The following RHOQ variants were observed in gnomAD, a reference collection of about 807,000 sequenced individuals.
The protein encoded by RHOQ is ras homolog family member Q, also known as rho-related GTP-binding protein RhoQ.
RHOQ carries 7 observed loss-of-function variants against 25.8 expected under a neutral mutation model. The ratio of observed to expected loss-of-function variants is 0.27; its 90% CI spans 0.15 to 0.51. RHOQ has a LOEUF of 0.51. Among genes scored for constraint, RHOQ ranks in the 20% least tolerant of loss-of-function variants. The probability of loss-of-function intolerance (pLI) is 0.97; values close to 1 mark genes in which losing one functional copy is unlikely to be tolerated. For synonymous variants in RHOQ, 97 were observed against 98.6 expected, an observed-to-expected ratio of 0.98 and a Z score of 0.10; for missense variants, 165 against 260.6, an observed-to-expected ratio of 0.63 and a Z score of 2.53.
rs1393063094 is a variant in RHOQ at position 46,576,402 on chromosome 2, A to G, written c.366+151A>G. On this transcript the variant is annotated intron_variant, in intron 3 of 4. Transcript: ENST00000238738. This position sits in a 1 kb window ranked among gnomAD's most constrained non-coding sequence, Gnocchi z 5.1. ...TGAGTTCTATCATATTTTTGGAAAA[A>G]ATTGTGCCAAAAGAAAGCAATTATT... 1.1e-6 allele frequency: 1 copy of G among 944,592 alleles called. No homozygotes were observed. Among genetic ancestry groups the G allele is most frequent in the African/African-American group, 1.7e-5 (1 of 59,856 alleles). 58.5% of individuals were successfully genotyped at this position (944,592 alleles called of 1,614,324 possible).
chr2:46,550,398 G>A (rs928647306), intron 2 of RHOQ, among the ~76,000 whole-genome samples: 3 of 152,220 alleles, frequency 2.0e-5, no homozygotes, highest in African/African-American at 7.2e-5. Flanking sequence ...AAGGTTCAAA[G>A]GAGAAACAGG....
At position 46,542,906 on chromosome 2, in the gene RHOQ, C is replaced by T. The variant is rs937494278; in HGVS notation, c.-141C>T. The T allele has an allele frequency of 5.1e-4, 145 of 285,180 alleles. No individual in the cohort carries two copies. Among genetic ancestry groups the T allele is most frequent in the African/African-American group, 3.2e-3 (137 of 43,350 alleles). 17.7% of individuals were successfully genotyped at this position (285,180 alleles called of 1,614,324 possible). ...GCCCCCTCCCCTCCTGCGAGGGGAG[C>T]CGCTGCATGGGGCCGGGGGGGCGGC... On this transcript the variant is annotated 5_prime_UTR_variant, in exon 1 of 5. Transcript: ENST00000238738.
chr2:46,570,302 T>C (rs1203660353), intron 2 of RHOQ, among the ~76,000 whole-genome samples: 1 of 152,092 alleles, frequency 6.6e-6, no homozygotes, highest in East Asian at 1.9e-4. Context: ...TAGCCAGCCA[T>C]GGTGGCAGGC....
intron 2 of RHOQ, among the ~76,000 whole-genome samples, chr2:46,545,015 G>A (rs894830312): frequency 2.6e-5 from 4 of 152,168 alleles, no homozygotes; most frequent in Non-Finnish European, 4.4e-5. Context: ...CTTATTGAGG[G>A]GGAGTGCCTT....
intron 2 of RHOQ, among the ~76,000 whole-genome samples, chr2:46,544,161 C>T (rs576404232): frequency 1.1e-4 from 16 of 152,272 alleles, no homozygotes; most frequent in South Asian, 4.2e-4. Flanking sequence ...GTCTCCCCCC[C>T]ACAGCCTCTG....
rs1668283331 is a variant in RHOQ at position 46,552,802 on chromosome 2, A to G, written c.201+8990A>G. On this transcript the variant is annotated intron_variant, in intron 2 of 4. Coordinates refer to ENST00000238738, the MANE Select transcript of RHOQ (RefSeq NM_012249.4). This position sits in a 1 kb window ranked among gnomAD's most constrained non-coding sequence, Gnocchi z 5.0. ...GGCCCCCAGAGGCACAGTGTTTTGA[A>G]GGGTAGGTCAACCATGAGTGGTGGG... 6.6e-6 allele frequency among the ~76,000 whole-genome samples: 1 copy of G among 152,222 alleles called. No individual in the cohort carries two copies. Among genetic ancestry groups the G allele is most frequent in the Admixed American group, 6.5e-5 (1 of 15,278 alleles).
intron 2 of RHOQ, among the ~76,000 whole-genome samples, chr2:46,567,934 C>T (rs370916799): frequency 2.6e-4 from 39 of 152,016 alleles, no homozygotes; most frequent in African/African-American, 8.9e-4. Context: ...ACTAGCTGGG[C>T]ATGGTGGCAT....
At chr2:46,564,665 C>T (rs1371841015) in intron 2 of RHOQ, among the ~76,000 whole-genome samples, 3 of 152,240 alleles carry the variant, frequency 2.0e-5, no homozygotes. Flanking sequence ...CTGCAGCCTT[C>T]ATCTGAGTGT....
chr2:46,546,073 A>T (rs1192976848), intron 2 of RHOQ, among the ~76,000 whole-genome samples: 1 of 152,112 alleles, frequency 6.6e-6, no homozygotes, highest in African/African-American at 2.4e-5. Context: ...AAAGCTAGTA[A>T]TATTTCATCT....
intron 4 of RHOQ, among the ~76,000 whole-genome samples, chr2:46,577,637 G>A (rs527761946): frequency 1.0e-4 from 14 of 137,974 alleles, no homozygotes; most frequent in Admixed American, 7.9e-4. Flanking sequence ...GGATGGTCTC[G>A]ACCTCCTGGC....
chr2:46,576,738 C>T lies in RHOQ; in HGVS notation c.462+82C>T. ...AGAAGCTAATTTTATTGTGTATTTA[C>T]TGTGTGCCAGGTGGAGTGCTTTACA... On this transcript the variant is annotated intron_variant, in intron 4 of 4. Transcript: ENST00000238738. This position sits in a 1 kb window ranked among gnomAD's most constrained non-coding sequence, Gnocchi z 5.1. 4.2e-6 allele frequency: 4 copies of T among 963,042 alleles called. No individual in the cohort carries two copies. Among genetic ancestry groups the T allele is most frequent in the Non-Finnish European group, 6.4e-6 (4 of 622,638 alleles). 59.7% of individuals were successfully genotyped at this position (963,042 alleles called of 1,614,324 possible). A position where few individuals can be genotyped will look rare whatever the true frequency, so the allele number is the denominator to read the frequency against.
At chr2:46,571,786 G>T (rs1482245150) in intron 2 of RHOQ, among the ~76,000 whole-genome samples, 2 of 152,194 alleles carry the variant, frequency 1.3e-5, no homozygotes, top group Non-Finnish European at 1.5e-5. Flanking sequence ...ATGGCACAAG[G>T]TAAATCGTCC....
chr2:46,547,141 G>A (rs971824958), intron 2 of RHOQ, among the ~76,000 whole-genome samples: 1 of 152,178 alleles, frequency 6.6e-6, no homozygotes, highest in African/African-American at 2.4e-5. Flanking sequence ...GAGTTAAGAT[G>A]GAATGAGGCA....
At chr2:46,565,832 G>A (rs949263984) in intron 2 of RHOQ, among the ~76,000 whole-genome samples, 2 of 152,242 alleles carry the variant, frequency 1.3e-5, no homozygotes, top group Non-Finnish European at 2.9e-5. Flanking sequence ...TGATGCAGAA[G>A]GGGAAGATGC....
At chr2:46,546,474 GTGTATATATATATATATATATATATATA>G (rs1668057187) in intron 2 of RHOQ, among the ~76,000 whole-genome samples, 5 of 16,954 alleles carry the variant, frequency 2.9e-4, no homozygotes, top group East Asian at 2.1e-3. Flanking sequence ...ATATATATAT[GTGTATATATATATATATATATATATATA>G]TATATATATG....
rs139858799 is a variant in RHOQ, at chr2:46,556,847, C to T, written c.201+13035C>T. On this transcript the variant is annotated intron_variant, in intron 2 of 4. Coordinates refer to ENST00000238738, the MANE Select transcript of RHOQ (RefSeq NM_012249.4). This position sits in a 1 kb window ranked among gnomAD's most constrained non-coding sequence, Gnocchi z 4.9. ...CAGATAGGCAAGGTTTCTGTGGGGC[C>T]GTTTAGATTCAGAAACAATTTTATT... 2.6e-5 allele frequency among the ~76,000 whole-genome samples: 4 copies of T among 152,152 alleles called. No homozygotes were observed. Among genetic ancestry groups the T allele is most frequent in the East Asian group, 1.9e-4 (1 of 5,184 alleles).
Position 46,566,029 on chromosome 2 carries a change from C to T in RHOQ, c.202-10058C>T, listed in dbSNP as rs1034860224. Among the ~76,000 whole-genome samples the T allele has an allele frequency of 1.1e-4, 17 of 152,056 alleles. No homozygotes were observed. Among genetic ancestry groups the T allele is most frequent in the Admixed American group, 7.9e-4 (12 of 15,266 alleles). On this transcript the variant is annotated intron_variant, in intron 2 of 4. Coordinates refer to ENST00000238738, the MANE Select transcript of RHOQ (RefSeq NM_012249.4). This position sits in a 1 kb window ranked among gnomAD's most constrained non-coding sequence, Gnocchi z 4.2. Reference sequence around the variant, plus strand: ...GTAGGAGCTCCCAGGTGAAGAAATACGGAGAGAGAGAAGAAACAGGGAAAC... The same window carrying T: ...GTAGGAGCTCCCAGGTGAAGAAATATGGAGAGAGAGAAGAAACAGGGAAAC...
Position 46,576,613 on chromosome 2 carries a change from A to C in RHOQ, c.419A>C (p.Glu140Ala), listed in dbSNP as rs1398179486. The change falls in exon 4 of 5, where the codon GAA (glutamate) becomes GCA (alanine). Residue 140 changes from glutamate to alanine, a missense_variant. Physicochemically the swap from Glu to Ala is moderately radical, Grantham distance 107. Coordinates refer to ENST00000238738, the MANE Select transcript of RHOQ (RefSeq NM_012249.4). This position sits in a 1 kb window ranked among gnomAD's most constrained non-coding sequence, Gnocchi z 5.1. ...KTLARLNDMK[E>A]KPICVEQGQK... ...TTAGCAAGACTGAATGATATGAAAGAAAAACCTATATGTGTGGAACAAGGA... is the reference window on the plus strand; with the variant it reads ...TTAGCAAGACTGAATGATATGAAAGCAAAACCTATATGTGTGGAACAAGGA... The C allele has an allele frequency of 1.9e-6, 3 of 1,611,188 alleles. No homozygotes were observed. The highest frequency in any genetic ancestry group is 2.5e-6 in the Non-Finnish European group (3 of 1,178,436).
chr2:46,549,645 G>C (rs533334027), intron 2 of RHOQ, among the ~76,000 whole-genome samples: 1 of 152,290 alleles, frequency 6.6e-6, no homozygotes, highest in South Asian at 2.1e-4. Context: ...GCTTGGCTTT[G>C]CCCTAATTTG....
Sources: allele counts gnomAD v4.1 joint callset (sites outside exome capture counted in the v4.1 genomes callset), GRCh38; gene constraint gnomAD v4.1.1; non-coding constraint Gnocchi (gnomAD v3.1); transcripts MANE v1.5; gene names NCBI Gene and HGNC (gene_info 2026-07-23, HGNC 2026-07-21).